Variants in RPAP3 observed in about 807,000 individuals in gnomAD.
The protein encoded by RPAP3 is RNA polymerase II-associated protein 3.
A neutral mutation model predicts 88.8 loss-of-function variants in RPAP3; 58 were observed. That is an observed-to-expected ratio of 0.65 (90% CI 0.53 to 0.81). The LOEUF (loss-of-function observed/expected upper bound fraction) is 0.81, where lower values mean the gene tolerates loss of function less well. Ranked by LOEUF, RPAP3 falls within the 40% of genes least tolerant of loss-of-function variation. RPAP3 has a pLI of 0.00. For missense variants in RPAP3, 751 were observed against 764.3 expected, an observed-to-expected ratio of 0.98 and a Z score of 0.20; for synonymous variants, 255 against 259.9, an observed-to-expected ratio of 0.98 and a Z score of 0.18.
At position 47,697,822 on chromosome 12, in the gene RPAP3, AC is replaced by A. The variant is rs1430685485; in HGVS notation, c.295-104del. On this transcript the variant is annotated intron_variant, in intron 3 of 16. Transcript: ENST00000005386. ...TACACTCAAATGAATGTAAATTGTT[AC>A]AATCTAAGGACCTACAGCCTTACAA... The A allele has an allele frequency of 2.7e-6, 3 of 1,098,574 alleles. No individual in the cohort carries two copies. In the African/African-American group the frequency reaches 4.9e-5, roughly 18 times the overall value. 68.1% of individuals were successfully genotyped at this position (1,098,574 alleles called of 1,614,324 possible). A position where few individuals can be genotyped will look rare whatever the true frequency, so the allele number is the denominator to read the frequency against.
chr12:47,672,481 T>C (rs998703277), intron 12 of RPAP3, among the ~76,000 whole-genome samples: 3 of 152,242 alleles, frequency 2.0e-5, no homozygotes, highest in Non-Finnish European at 4.4e-5. Context: ...ATCTGTGAGT[T>C]ATTCTCAATT....
intron 10 of RPAP3, among the ~76,000 whole-genome samples, chr12:47,680,460 A>T (rs958705972): frequency 2.6e-5 from 4 of 151,746 alleles, no homozygotes; most frequent in Non-Finnish European, 4.4e-5. Flanking sequence ...TTAACGTTAC[A>T]TATTTTTTTT....
At chr12:47,674,979 GT>G (rs1939081176) in intron 12 of RPAP3, among the ~76,000 whole-genome samples, 1 of 152,192 alleles carries the variant, frequency 6.6e-6, no homozygotes, top group Non-Finnish European at 1.5e-5. Flanking sequence ...AGGAAAAAGT[GT>G]TAAGGGCAGT....
intron 12 of RPAP3, among the ~76,000 whole-genome samples, chr12:47,676,416 T>C (rs970899650): frequency 1.5e-4 from 23 of 152,028 alleles, no homozygotes; most frequent in African/African-American, 4.8e-4. Context: ...CTGAAAGTGA[T>C]AGACACAAAA....
intron 12 of RPAP3, among the ~76,000 whole-genome samples, chr12:47,671,209 A>T (rs2136610404): frequency 6.6e-6 from 1 of 152,334 alleles, no homozygotes; most frequent in East Asian, 1.9e-4. Context: ...AAACACACAG[A>T]AATACACTGA....
intron 12 of RPAP3, among the ~76,000 whole-genome samples, chr12:47,675,772 T>A (rs1471864877): frequency 6.6e-6 from 1 of 152,160 alleles, no homozygotes; most frequent in African/African-American, 2.4e-5. Flanking sequence ...ACAAAGAGAC[T>A]TAGACTCCCA....
rs1939679362 is a variant in RPAP3, at chr12:47,702,726, C to T, written c.115G>A (p.Asp39Asn). 1.9e-6 allele frequency: 3 copies of T among 1,611,426 alleles called. No homozygotes were observed. In the African/African-American group the frequency reaches 4.0e-5, roughly 22 times the overall value. The change falls in exon 2 of 17, where the codon GAT becomes AAT. Residue 39 changes from aspartate to asparagine, a missense_variant. Asp to Asn is a conservative substitution (Grantham distance 23). Transcript: ENST00000005386. ...ENWEKDIKQK[D>N]MELRRQNGVP... ...CCATTCTGTCTTCTTAGTTCCATAT[C>T]CTTTTGTTTAATGTCTTTTTCCCAG... is the stretch of plus-strand genomic sequence containing the variant.
intron 3 of RPAP3, chr12:47,699,290 T>C (rs1433131316): frequency 6.6e-6 from 1 of 152,166 alleles, no homozygotes; most frequent in Non-Finnish European, 1.5e-5. Context: ...AGAAATCATC[T>C]GAGATGATGC....
chr12:47,666,139 G>A (rs1938869990), intron 16 of RPAP3, among the ~76,000 whole-genome samples: 1 of 151,508 alleles, frequency 6.6e-6, no homozygotes, highest in African/African-American at 2.4e-5. Flanking sequence ...ACACTGGTAT[G>A]TGAATGACTT....
intron 3 of RPAP3, among the ~76,000 whole-genome samples, chr12:47,700,648 G>C (rs1291261628): frequency 6.6e-6 from 1 of 152,166 alleles, no homozygotes; most frequent in Non-Finnish European, 1.5e-5. Context: ...TTGAAACACT[G>C]GTAAAGGGTT....
At chr12:47,676,264 A>G (rs975350087) in intron 12 of RPAP3, among the ~76,000 whole-genome samples, 4 of 152,368 alleles carry the variant, frequency 2.6e-5, no homozygotes, top group Admixed American at 6.5e-5. Context: ...AAGGAAATTT[A>G]TAACACTAAA....
Position 47,669,077 on chromosome 12 carries a change from C to T in RPAP3, c.1552G>A (p.Val518Ile), listed in dbSNP as rs781275030. Residue 518 changes from valine to isoleucine, a missense_variant, in exon 14 of 17, where the codon GTA (valine) becomes ATA (isoleucine). Val to Ile is a conservative substitution (Grantham distance 29). Coordinates refer to ENST00000005386, the MANE Select transcript of RPAP3 (RefSeq NM_024604.3). Reference sequence around the variant, plus strand: ...ATTTTCTCGCTGTAAGACTGACATACATCCTGCTTCAAACTGGCTTGAGGT... The same window carrying T: ...ATTTTCTCGCTGTAAGACTGACATATATCCTGCTTCAAACTGGCTTGAGGT... The part of the protein sequence containing the change: ...LQPQASLKQD[V>I]CQSYSEKMPI... 4 of 1,613,754 alleles carry T rather than the reference C, an allele frequency of 2.5e-6. No homozygotes were observed. The highest frequency in any genetic ancestry group is 3.4e-6 in the Non-Finnish European group (4 of 1,179,718).
intron 9 of RPAP3, among the ~76,000 whole-genome samples, chr12:47,684,816 T>C (rs7294629): frequency 0.18 from 26,861 of 152,166 alleles, 3,012 homozygotes; most frequent in Admixed American, 0.32. Flanking sequence ...AAAATTTTCA[T>C]AAGTGAGCAA....
intron 3 of RPAP3, 91 bp from the exon 4 acceptor site, chr12:47,697,810 A>T: frequency 1.7e-6 from 2 of 1,174,060 alleles, no homozygotes; most frequent in Non-Finnish European, 2.4e-6. Flanking sequence ...ACTCAAATGA[A>T]TGTAAATTGT....
rs370728485 is a variant in RPAP3 at position 47,664,915 on chromosome 12, T to C, written c.1913-1325A>G. ...GCTAGTAATATATTACGAAGAGAAA[T>C]AAAGCAGGGTAAGAAGAGAGAGGTT... On this transcript the variant is annotated intron_variant, in intron 16 of 16. Coordinates refer to ENST00000005386, the MANE Select transcript of RPAP3 (RefSeq NM_024604.3). The C allele has an allele frequency of 3.3e-5, 5 of 152,008 alleles. No homozygotes were observed. The East Asian group carries it at 5.8e-4, about 18-fold the overall frequency. The allele number at this position is 152,008 out of a possible 1,614,324, so 9.4% of individuals were successfully genotyped here.
chr12:47,697,516 T>C, intron 4 of RPAP3, 81 bp downstream of exon 4: 2 of 1,329,988 alleles, frequency 1.5e-6, no homozygotes, highest in East Asian at 2.4e-5. Flanking sequence ...ACTAAAACTA[T>C]GCTCAAGAAA....
chr12:47,683,086 C>A (rs971858518), intron 9 of RPAP3, among the ~76,000 whole-genome samples: 1 of 152,114 alleles, frequency 6.6e-6, no homozygotes, highest in African/African-American at 2.4e-5. Flanking sequence ...GTCTTTGAAC[C>A]TGCACTAGAA....
chr12:47,679,642 A>G (rs762729885), intron 11 of RPAP3, 48 bp from the exon 12 acceptor site: 2 of 1,503,298 alleles, frequency 1.3e-6, no homozygotes, highest in Non-Finnish European at 1.8e-6. Flanking sequence ...TTATTATACA[A>G]CAAATAAATA....
intron 16 of RPAP3, chr12:47,664,945 G>C (rs1178549431): frequency 6.6e-6 from 1 of 152,180 alleles, no homozygotes; most frequent in African/African-American, 2.4e-5. Flanking sequence ...GAGGTTCATG[G>C]GGGGTCAGTG....
Sources: gnomAD v4.1 joint callset for allele counts (sites outside exome capture counted in the v4.1 genomes callset) on GRCh38, gnomAD v4.1.1 for gene constraint, MANE v1.5 for transcripts, NCBI Gene and HGNC (gene_info 2026-07-23, HGNC 2026-07-21) for gene names.